The following DNM3 variants were observed in gnomAD, a reference collection of about 807,000 sequenced individuals.
DNM3 encodes the protein dynamin-3.
Under a neutral mutation model 101.6 loss-of-function variants are expected in DNM3, and 47 were observed. The ratio of observed to expected loss-of-function variants is 0.46; its 90% confidence interval spans 0.37 to 0.59. DNM3 has a LOEUF of 0.59. Among genes scored for constraint, DNM3 ranks in the 20% least tolerant of loss-of-function variants. The probability of loss-of-function intolerance (pLI) is 0.00; values close to 1 mark genes in which losing one functional copy is unlikely to be tolerated. For synonymous variants in DNM3, 385 were observed against 387.9 expected (o/e 0.99, Z 0.09); for missense variants, 849 against 1,085.7 (o/e 0.78, Z 3.06).
intron 1 of DNM3, among the ~76,000 whole-genome samples, chr1:171,885,465 C>A (rs1449619161): frequency 6.6e-6 from 1 of 151,956 alleles, no homozygotes; most frequent in Non-Finnish European, 1.5e-5. Context: ...TTGACCTGGG[C>A]CCCATATTCT....
intron 15 of DNM3, among the ~76,000 whole-genome samples, chr1:172,297,947 T>G (rs2064246677): frequency 6.6e-6 from 1 of 152,152 alleles, no homozygotes; most frequent in Non-Finnish European, 1.5e-5. Context: ...CTCCTCTTGT[T>G]CACAAGTTAG....
intron 11 of DNM3, among the ~76,000 whole-genome samples, chr1:172,073,483 A>G (rs1204739454): frequency 2.0e-5 from 3 of 152,202 alleles, no homozygotes; most frequent in Non-Finnish European, 2.9e-5. Flanking sequence ...TTCTGTATGT[A>G]TATAATTATG....
At chr1:172,303,456 T>C (rs1026220801) in intron 15 of DNM3, among the ~76,000 whole-genome samples, 23 of 152,212 alleles carry the variant, frequency 1.5e-4, no homozygotes, top group African/African-American at 5.5e-4. Context: ...GAAAACACTC[T>C]TCAGGCTATC....
rs536766957 is a variant in DNM3, at chr1:171,973,319, T to C, written c.236-14337T>C. Among the ~76,000 whole-genome samples, 20 of 152,328 alleles carry C rather than the reference T, an allele frequency of 1.3e-4. 1 individual carries two copies. In the East Asian group the frequency reaches 3.9e-3, roughly 29 times the overall value. ...AAATCTTTGACTGGCATCTCCTACCTGTGTAACCTCAGGCAATTTGTTTAA... is the reference window on the plus strand; with the variant it reads ...AAATCTTTGACTGGCATCTCCTACCCGTGTAACCTCAGGCAATTTGTTTAA... On this transcript the variant is annotated intron_variant, in intron 2 of 20. Coordinates refer to ENST00000627582, the MANE Select transcript of DNM3 (RefSeq NM_015569.5).
At chr1:172,316,985 G>C (rs1416083082) in intron 16 of DNM3, among the ~76,000 whole-genome samples, 1 of 152,076 alleles carries the variant, frequency 6.6e-6, no homozygotes, top group Non-Finnish European at 1.5e-5. Flanking sequence ...CCACATACTG[G>C]GAAGTAAAGC....
Position 172,407,850 on chromosome 1 carries a change from T to G in DNM3, c.*9T>G. The G allele has an allele frequency of 6.2e-7, 1 of 1,613,044 alleles. No homozygotes were observed. On this transcript the variant is annotated 3_prime_UTR_variant, in exon 21 of 21. Coordinates refer to ENST00000627582, the MANE Select transcript of DNM3 (RefSeq NM_015569.5). ...CCTCCCTGTTAGACTAAACGAAGTG[T>G]CTGGCATGGCAATTAATCACTAATG...
intron 2 of DNM3, among the ~76,000 whole-genome samples, chr1:171,981,720 T>G (rs2044810920): frequency 6.6e-6 from 1 of 152,222 alleles, no homozygotes; most frequent in South Asian, 2.1e-4. Context: ...ATCTTAACCT[T>G]TGCTTCAATT....
chr1:171,993,644 A>C (rs1013503649), intron 4 of DNM3, among the ~76,000 whole-genome samples: 1 of 151,842 alleles, frequency 6.6e-6, no homozygotes, highest in East Asian at 1.9e-4. Flanking sequence ...ATTTTCAGCC[A>C]TTATTTCTTC....
chr1:171,964,691 C>A (rs2043447519), intron 2 of DNM3, among the ~76,000 whole-genome samples: 2 of 152,072 alleles, frequency 1.3e-5, no homozygotes, highest in African/African-American at 2.4e-5. Flanking sequence ...AGTGAGAATA[C>A]CTTGATTCAT....
chr1:171,914,854 C>G (rs1289689685), intron 1 of DNM3, among the ~76,000 whole-genome samples: 2 of 151,908 alleles, frequency 1.3e-5, no homozygotes, highest in East Asian at 3.9e-4. Flanking sequence ...GAAGGAGGCT[C>G]TGAGGGAACA....
intron 15 of DNM3, among the ~76,000 whole-genome samples, chr1:172,287,149 C>A (rs939370238): frequency 6.6e-6 from 1 of 152,186 alleles, no homozygotes; most frequent in Non-Finnish European, 1.5e-5. Flanking sequence ...GCCAGGAGAT[C>A]AAGTTCCCAC....
chr1:172,236,612 A>T (rs2061555132), intron 14 of DNM3, among the ~76,000 whole-genome samples: 2 of 151,934 alleles, frequency 1.3e-5, no homozygotes, highest in South Asian at 2.1e-4. Context: ...GAGGAAAAGG[A>T]AAGGAAAAGG....
At chr1:172,146,290 A>C (rs1488690154) in intron 14 of DNM3, among the ~76,000 whole-genome samples, 4 of 152,142 alleles carry the variant, frequency 2.6e-5, no homozygotes, top group Admixed American at 2.0e-4. Context: ...GCCTCTTTTG[A>C]ATCATTAAAT....
intron 14 of DNM3, among the ~76,000 whole-genome samples, chr1:172,217,729 T>C (rs1201707309): frequency 6.6e-6 from 1 of 152,118 alleles, no homozygotes; most frequent in East Asian, 1.9e-4. Context: ...CCAAAGTTTA[T>C]TCTATGGTTG....
chr1:172,207,406 T>C (rs1193524623), intron 14 of DNM3, among the ~76,000 whole-genome samples: 2 of 152,270 alleles, frequency 1.3e-5, no homozygotes, highest in East Asian at 3.9e-4. Flanking sequence ...GATCTCCTAG[T>C]TCTCATATAA....
chr1:172,271,467 G>C (rs2063082805), intron 15 of DNM3, among the ~76,000 whole-genome samples: 1 of 151,952 alleles, frequency 6.6e-6, no homozygotes, highest in Admixed American at 6.6e-5. Flanking sequence ...TTAATGTGTA[G>C]TTTAACAGAA....
intron 18 of DNM3, among the ~76,000 whole-genome samples, chr1:172,381,962 C>G (rs2068933985): frequency 6.6e-6 from 1 of 152,098 alleles, no homozygotes; most frequent in African/African-American, 2.4e-5. Flanking sequence ...TATGTTTCGG[C>G]CTTCTGAAAA....
chr1:172,257,517 G>A (rs1327248680), intron 15 of DNM3, among the ~76,000 whole-genome samples: 1 of 151,818 alleles, frequency 6.6e-6, no homozygotes, highest in African/African-American at 2.4e-5. Context: ...AATGCACTTT[G>A]CCTTAAAATT....
intron 2 of DNM3, among the ~76,000 whole-genome samples, chr1:171,975,621 A>G (rs1469113813): frequency 3.9e-5 from 6 of 152,254 alleles, no homozygotes; most frequent in South Asian, 2.1e-4. Context: ...TTGTGGTTAT[A>G]TATGTGCAAG....
Sources: allele counts gnomAD v4.1 joint callset (sites outside exome capture counted in the v4.1 genomes callset), GRCh38; gene constraint gnomAD v4.1.1; transcripts MANE v1.5; gene names NCBI Gene and HGNC (gene_info 2026-07-23, HGNC 2026-07-21).